Variants in AHCYL2 observed in about 807,000 individuals in gnomAD.
AHCYL2 encodes the protein adenosylhomocysteinase like 2.
Under a neutral mutation model 81.4 loss-of-function variants are expected in AHCYL2, and 28 were observed. That is an observed-to-expected ratio of 0.34 (90% CI 0.25 to 0.47). The LOEUF (loss-of-function observed/expected upper bound fraction) is 0.47, where lower values mean the gene tolerates loss of function less well. Among genes scored for constraint, AHCYL2 ranks in the 20% least tolerant of loss-of-function variants. The pLI is 1.00. For missense variants in AHCYL2, 551 were observed against 785.1 expected (o/e 0.70, Z 3.56); for synonymous variants, 272 against 290.2 (o/e 0.94, Z 0.64).
In AHCYL2 at chr7:129,406,402, C is replaced by G. The variant is rs1404551564; in HGVS notation, c.1231C>G (p.Leu411Val). ...GEVGKGCCAA[L>V]KAMGSIVYVT... ...GGTGGGGAAAGGGTGCTGTGCTGCC[C>G]TGAAAGCCATGGGCTCCATTGTGTA... The change falls in exon 10 of 17, where the codon CTG (leucine) becomes GTG (valine). Residue 411 changes from leucine (L) to valine (V), a missense_variant. Coordinates refer to ENST00000325006, the MANE Select transcript of AHCYL2 (RefSeq NM_015328.4). The surrounding 1 kb of genome is among the most constrained non-coding windows in gnomAD (Gnocchi z 4.3). 6.2e-7 allele frequency: 1 copy of G among 1,613,900 alleles called. No individual in the cohort carries two copies. Among genetic ancestry groups the G allele is most frequent in the East Asian group, 2.2e-5 (1 of 44,878 alleles).
intron 12 of AHCYL2, among the ~76,000 whole-genome samples, chr7:129,420,494 T>C (rs1378325225): frequency 6.6e-6 from 1 of 151,376 alleles, no homozygotes; most frequent in Non-Finnish European, 1.5e-5. Flanking sequence ...TTTTTTTTTT[T>C]TTGAGACAAG....
chr7:129,267,029 A>G (rs1194066532), intron 1 of AHCYL2, among the ~76,000 whole-genome samples: 3 of 152,208 alleles, frequency 2.0e-5, no homozygotes, highest in Non-Finnish European at 4.4e-5. Context: ...TTCATAGAGC[A>G]TAATACTAAG....
intron 1 of AHCYL2, chr7:129,283,475 A>G (rs907967671): frequency 1.8e-5 from 8 of 455,378 alleles, no homozygotes; most frequent in African/African-American, 1.6e-4. Flanking sequence ...ATGGAAGTCC[A>G]TTATTTTAAA....
chr7:129,271,895 C>G (rs1796033212), intron 1 of AHCYL2, among the ~76,000 whole-genome samples: 1 of 152,174 alleles, frequency 6.6e-6, no homozygotes, highest in African/African-American at 2.4e-5. Flanking sequence ...TTCAAGATGG[C>G]TGATGTTAGT....
chr7:129,345,727 G>C (rs1793338650), intron 1 of AHCYL2, among the ~76,000 whole-genome samples: 1 of 152,130 alleles, frequency 6.6e-6, no homozygotes, highest in African/African-American at 2.4e-5. Flanking sequence ...GACAATGATA[G>C]GATCATTGGC....
chr7:129,319,935 T>C (rs757658142), intron 1 of AHCYL2, among the ~76,000 whole-genome samples: 1 of 151,750 alleles, frequency 6.6e-6, no homozygotes, highest in Non-Finnish European at 1.5e-5. Context: ...TACAAAGGAG[T>C]GTAATAGCTG....
intron 1 of AHCYL2, among the ~76,000 whole-genome samples, chr7:129,302,059 C>T (rs1797275856): frequency 6.6e-6 from 1 of 152,006 alleles, no homozygotes; most frequent in Non-Finnish European, 1.5e-5. Context: ...CAATGTCTTG[C>T]ATCAGTGTTT....
At chr7:129,326,070 T>C (rs1473012719) in intron 1 of AHCYL2, among the ~76,000 whole-genome samples, 1 of 152,208 alleles carries the variant, frequency 6.6e-6, no homozygotes, top group East Asian at 1.9e-4. Context: ...ATGTCTAAGA[T>C]TTTCTTCCTT....
Position 129,419,659 on chromosome 7 carries a change from A to AT in AHCYL2, c.1462-3175dup, listed in dbSNP as rs1797018723. Among the ~76,000 whole-genome samples, 1 of 151,294 alleles carries AT rather than the reference A, an allele frequency of 6.6e-6. No homozygotes were observed. The highest frequency in any genetic ancestry group is 6.6e-5 in the Admixed American group (1 of 15,104). On this transcript the variant is annotated intron_variant, in intron 12 of 16. Coordinates refer to ENST00000325006, the MANE Select transcript of AHCYL2 (RefSeq NM_015328.4). This position sits in a 1 kb window ranked among gnomAD's most constrained non-coding sequence, Gnocchi z 4.7. ...ACCAGTAAGTACATAGGCTTTAAACATTTTTTCCAGCCGAAGAACGATTTA... is the reference window on the plus strand; with the variant it reads ...ACCAGTAAGTACATAGGCTTTAAACATTTTTTTCCAGCCGAAGAACGATTTA...
intron 1 of AHCYL2, among the ~76,000 whole-genome samples, chr7:129,326,755 A>G (rs1798240471): frequency 6.6e-6 from 1 of 152,158 alleles, no homozygotes; most frequent in African/African-American, 2.4e-5. Context: ...AAGCCTCAAG[A>G]TACAAGGGAT....
chr7:129,226,381 C>T (rs141448421), intron 1 of AHCYL2, among the ~76,000 whole-genome samples: 273 of 152,250 alleles, frequency 1.8e-3, no homozygotes, highest in African/African-American at 6.2e-3. Flanking sequence ...AAAGCTGAAT[C>T]AGCACAGAAA....
At chr7:129,379,125 A>G (rs1470636737) in intron 1 of AHCYL2, among the ~76,000 whole-genome samples, 1 of 152,164 alleles carries the variant, frequency 6.6e-6, no homozygotes, top group African/African-American at 2.4e-5. Context: ...TACTAAAAAT[A>G]TAAAAATTAG....
At chr7:129,304,350 A>G (rs1322535338) in intron 1 of AHCYL2, among the ~76,000 whole-genome samples, 3 of 152,214 alleles carry the variant, frequency 2.0e-5, no homozygotes, top group African/African-American at 4.8e-5. Context: ...AAGAATGTGT[A>G]TTTTGCAGCC....
chr7:129,280,366 G>A (rs954992036), intron 1 of AHCYL2, among the ~76,000 whole-genome samples: 19 of 151,752 alleles, frequency 1.3e-4, no homozygotes, highest in African/African-American at 4.3e-4. Flanking sequence ...ACGAGGTTTC[G>A]CCGTGTTGGC....
At chr7:129,403,721 T>C (rs1350290894) in intron 7 of AHCYL2, among the ~76,000 whole-genome samples, 1 of 151,386 alleles carries the variant, frequency 6.6e-6, no homozygotes, top group Non-Finnish European at 1.5e-5. Flanking sequence ...AAAATTAGCC[T>C]GGTGTGGTGG....
chr7:129,345,021 G>A (rs746399946), intron 1 of AHCYL2, among the ~76,000 whole-genome samples: 6 of 152,116 alleles, frequency 3.9e-5, no homozygotes, highest in Non-Finnish European at 5.9e-5. Context: ...CAGGCATGGT[G>A]ACAGGTGCCT....
chr7:129,386,738 T>C (rs1317413759), intron 2 of AHCYL2, among the ~76,000 whole-genome samples: 1 of 152,164 alleles, frequency 6.6e-6, no homozygotes, highest in Non-Finnish European at 1.5e-5. Flanking sequence ...TAAAGAGGCA[T>C]AGGAAGGGCA....
chr7:129,370,817 A>G (rs539378520), intron 1 of AHCYL2, among the ~76,000 whole-genome samples: 1 of 152,364 alleles, frequency 6.6e-6, no homozygotes, highest in South Asian at 2.1e-4. Context: ...GCAGGAAAAT[A>G]CCTTTGCTCA....
chr7:129,341,433 G>GT (rs1793175575), intron 1 of AHCYL2, among the ~76,000 whole-genome samples: 2 of 152,156 alleles, frequency 1.3e-5, no homozygotes, highest in Admixed American at 6.5e-5. Context: ...GAGGAAAGGT[G>GT]GATGTGGGGA....
Sources: gnomAD v4.1 joint callset for allele counts (sites outside exome capture counted in the v4.1 genomes callset) on GRCh38, gnomAD v4.1.1 for gene constraint, Gnocchi (gnomAD v3.1) non-coding constraint, MANE v1.5 for transcripts, NCBI Gene and HGNC (gene_info 2026-07-23, HGNC 2026-07-21) for gene names.